The following CALD1 variants were observed in gnomAD, a reference collection of about 807,000 sequenced individuals.
CALD1 encodes caldesmon 1.
Under a neutral mutation model 99.9 loss-of-function variants are expected in CALD1, and 33 were observed. That is an observed-to-expected ratio of 0.33 (90% CI 0.25 to 0.44). The LOEUF (loss-of-function observed/expected upper bound fraction) is 0.44. Among genes scored for constraint, CALD1 ranks in the 20% least tolerant of loss-of-function variants. The probability of loss-of-function intolerance (pLI) is 1.00; values close to 1 mark genes in which losing one functional copy is unlikely to be tolerated. For synonymous variants in CALD1, 310 were observed against 325.0 expected (o/e 0.95, Z 0.50); for missense variants, 861 against 962.1 (o/e 0.89, Z 1.39).
At chr7:134,881,333 C>T (rs1801591520) in intron 3 of CALD1, among the ~76,000 whole-genome samples, 1 of 152,158 alleles carries the variant, frequency 6.6e-6, no homozygotes, top group Non-Finnish European at 1.5e-5. Flanking sequence ...TGAGGCCCCA[C>T]TCTCAATTTA....
intron 1 of CALD1, among the ~76,000 whole-genome samples, chr7:134,831,866 A>G (rs548369591): frequency 6.6e-6 from 1 of 152,308 alleles, no homozygotes; most frequent in Admixed American, 6.5e-5. Flanking sequence ...AAAAAGAGAT[A>G]GAGGCAAGTT....
At chr7:134,793,786 T>C (rs1400302416) in intron 1 of CALD1, among the ~76,000 whole-genome samples, 1 of 152,122 alleles carries the variant, frequency 6.6e-6, no homozygotes, top group Non-Finnish European at 1.5e-5. Flanking sequence ...AAATCTCTCT[T>C]CACCTATCAA....
At chr7:134,733,638 C>T in the CALD1 span, among the ~76,000 whole-genome samples, 2 of 151,850 alleles carry the variant, frequency 1.3e-5, no homozygotes, top group Admixed American at 1.3e-4. Flanking sequence ...GAAACCCCGT[C>T]TCTACTAAAA....
intron 3 of CALD1, among the ~76,000 whole-genome samples, chr7:134,889,102 A>G (rs1043694866): frequency 6.6e-6 from 1 of 152,198 alleles, no homozygotes; most frequent in Non-Finnish European, 1.5e-5. Flanking sequence ...GCTTTCTCGC[A>G]TGGCTGCGAC....
At chr7:134,719,431 A>G in the CALD1 span, among the ~76,000 whole-genome samples, 3 of 152,138 alleles carry the variant, frequency 2.0e-5, no homozygotes, top group Admixed American at 1.3e-4. Flanking sequence ...AGACCTGTAA[A>G]AAGTAGCAGA....
chr7:134,766,874 T>C (rs925877864), intron 1 of CALD1, among the ~76,000 whole-genome samples: 3 of 151,924 alleles, frequency 2.0e-5, no homozygotes. Context: ...AAAATGGCCA[T>C]GGATCAAGAG....
intron 1 of CALD1, among the ~76,000 whole-genome samples, chr7:134,747,168 T>C (rs1796641806): frequency 6.6e-6 from 1 of 152,136 alleles, no homozygotes; most frequent in Non-Finnish European, 1.5e-5. Flanking sequence ...TCAAGATAAT[T>C]GGGACATTTA....
chr7:134,951,720 G>A (rs908264634), intron 9 of CALD1, among the ~76,000 whole-genome samples: 2 of 152,184 alleles, frequency 1.3e-5, no homozygotes, highest in African/African-American at 4.8e-5. Flanking sequence ...CTGAGTCAGG[G>A]AGATGATAGA....
chr7:134,805,907 C>T (rs1163020085), intron 1 of CALD1, among the ~76,000 whole-genome samples: 1 of 152,090 alleles, frequency 6.6e-6, no homozygotes, highest in Non-Finnish European at 1.5e-5. Context: ...ACTATAGACA[C>T]GTGCCACCAC....
In CALD1 at chr7:134,968,714, G is replaced by A. The variant is rs539250778; in HGVS notation, c.*369G>A. 2.1e-4 allele frequency: 74 copies of A among 354,366 alleles called. No individual in the cohort carries two copies. Among genetic ancestry groups the A allele is most frequent in the Admixed American group, 7.9e-4 (22 of 27,724 alleles). 22.0% of individuals were successfully genotyped at this position (354,366 alleles called of 1,614,324 possible). A position where few individuals can be genotyped will look rare whatever the true frequency, so the allele number is the denominator to read the frequency against. ...TGTGCAGTATCTAGAAAAATGAACC[G>A]TAGTTTTTGTTTTTTTAAATACAGA... On this transcript the variant is annotated 3_prime_UTR_variant, in exon 15 of 15. Transcript: ENST00000361675.
intron 2 of CALD1, among the ~76,000 whole-genome samples, chr7:134,858,873 T>C (rs889847789): frequency 1.6e-4 from 24 of 152,096 alleles, no homozygotes; most frequent in African/African-American, 5.5e-4. Context: ...CAGCCAGGAG[T>C]TGGAAGATCT....
At chr7:134,876,874 A>G (rs1801376793) in intron 3 of CALD1, among the ~76,000 whole-genome samples, 1 of 152,148 alleles carries the variant, frequency 6.6e-6, no homozygotes, top group Non-Finnish European at 1.5e-5. Flanking sequence ...TATCACTACT[A>G]TCTTTGGGGA....
At chr7:134,715,974 A>ATTC in the CALD1 span, among the ~76,000 whole-genome samples, 1 of 152,168 alleles carries the variant, frequency 6.6e-6, no homozygotes, top group South Asian at 2.1e-4. Context: ...TATTATTATT[A>ATTC]TACTTTAAGT....
intron 3 of CALD1, among the ~76,000 whole-genome samples, chr7:134,920,175 T>C (rs1419015035): frequency 6.6e-6 from 1 of 152,220 alleles, no homozygotes; most frequent in South Asian, 2.1e-4. Context: ...CTGATCACAG[T>C]ATGGTCTGAG....
chr7:134,729,467 G>A, the CALD1 span, among the ~76,000 whole-genome samples: 1 of 152,222 alleles, frequency 6.6e-6, no homozygotes, highest in African/African-American at 2.4e-5. Context: ...ACAGGGCACA[G>A]GGCAGGTAAG....
At chr7:134,947,910 T>G (rs1290121059) in intron 8 of CALD1, 141 bp downstream of exon 8, 1 of 1,005,982 alleles carries the variant, frequency 9.9e-7, no homozygotes, top group Non-Finnish European at 1.4e-6. Context: ...GTTTTATAAC[T>G]TGTAGATGTA....
At chr7:134,805,992 C>G (rs1328531043) in intron 1 of CALD1, among the ~76,000 whole-genome samples, 1 of 151,862 alleles carries the variant, frequency 6.6e-6, no homozygotes, top group Non-Finnish European at 1.5e-5. Context: ...AACTCATGAC[C>G]TCAAGTAATC....
chr7:134,744,245 T>C (rs754391528), upstream of CALD1: 1 of 152,130 alleles, frequency 6.6e-6, no homozygotes, highest in African/African-American at 2.4e-5. Context: ...GTAAAGTGGC[T>C]GAGGAAATAT....
chr7:134,883,268 A>G (rs1027447086), intron 3 of CALD1, among the ~76,000 whole-genome samples: 3 of 152,242 alleles, frequency 2.0e-5, no homozygotes, highest in Non-Finnish European at 4.4e-5. Context: ...AGATTACTTC[A>G]GCCCTCTCTA....
Sources: allele counts gnomAD v4.1 joint callset (sites outside exome capture counted in the v4.1 genomes callset), GRCh38; gene constraint gnomAD v4.1.1; transcripts MANE v1.5; gene names NCBI Gene and HGNC (gene_info 2026-07-23, HGNC 2026-07-21).